The following DNAJC3 variants were observed in gnomAD, a reference collection of about 807,000 sequenced individuals.
DNAJC3 encodes the protein dnaJ homolog subfamily C member 3.
A neutral mutation model predicts 68.6 loss-of-function variants in DNAJC3; 38 were observed. The observed-to-expected ratio is 0.55, with a 90% confidence interval of 0.43 to 0.73. The LOEUF is 0.73. Ranked by LOEUF, DNAJC3 falls within the 30% of genes least tolerant of loss-of-function variation. The pLI, the probability that DNAJC3 is intolerant of heterozygous loss-of-function variation, is 0.00. For missense variants in DNAJC3, 526 were observed against 591.9 expected, an observed-to-expected ratio of 0.89 and a Z score of 1.16; for synonymous variants, 203 against 204.0, an observed-to-expected ratio of 1.00 and a Z score of 0.04.
chr13:95,725,528 T>C (rs1384275085), intron 4 of DNAJC3, among the ~76,000 whole-genome samples: 1 of 152,216 alleles, frequency 6.6e-6, no homozygotes, highest in East Asian at 1.9e-4. Context: ...CTTGTTCTGC[T>C]TTGTCCACCA....
chr13:95,773,473 TA>T (rs1216426650), intron 9 of DNAJC3, among the ~76,000 whole-genome samples: 2 of 151,550 alleles, frequency 1.3e-5, no homozygotes, highest in African/African-American at 4.8e-5. Flanking sequence ...CACCTGGCCT[TA>T]TTTAGTTTTA....
intron 1 of DNAJC3, 132 bp downstream of exon 1, chr13:95,677,469 G>A: frequency 1.1e-6 from 1 of 920,728 alleles, no homozygotes; most frequent in Non-Finnish European, 1.5e-6. Flanking sequence ...CCCGCGGCCT[G>A]GCTTGGGCCT....
intron 2 of DNAJC3, among the ~76,000 whole-genome samples, chr13:95,716,998 T>C: frequency 6.6e-6 from 1 of 151,928 alleles, no homozygotes; most frequent in East Asian, 1.9e-4. Flanking sequence ...CCCTCCCATA[T>C]CAATAGGATT....
intron 1 of DNAJC3, among the ~76,000 whole-genome samples, chr13:95,691,387 C>G (rs928492091): frequency 1.3e-5 from 2 of 150,872 alleles, no homozygotes; most frequent in Admixed American, 1.3e-4. Context: ...ACGGGGCGGC[C>G]GGGCAGAGAC....
At chr13:95,773,560 C>G (rs1464324227) in intron 9 of DNAJC3, among the ~76,000 whole-genome samples, 1 of 151,890 alleles carries the variant, frequency 6.6e-6, no homozygotes, top group African/African-American at 2.4e-5. Context: ...AGGAATGTTT[C>G]TATTTCTTGA....
intron 4 of DNAJC3, among the ~76,000 whole-genome samples, chr13:95,732,655 T>G (rs1416231191): frequency 6.6e-6 from 1 of 152,134 alleles, no homozygotes; most frequent in Non-Finnish European, 1.5e-5. Flanking sequence ...TTGCATTGTT[T>G]TTTTAGTCTC....
In DNAJC3 at chr13:95,739,551, C is replaced by G. The variant is rs1191361521; in HGVS notation, c.393+14299C>G. Among the ~76,000 whole-genome samples, 7 of 151,926 alleles carry G rather than the reference C, an allele frequency of 4.6e-5. No individual in the cohort carries two copies. In the South Asian group the frequency reaches 1.0e-3, roughly 23 times the overall value. On this transcript the variant is annotated intron_variant, in intron 4 of 11. Coordinates refer to ENST00000602402, the MANE Select transcript of DNAJC3 (RefSeq NM_006260.5). ...TTTATTCTTTTTTCTCTAAACTTCC[C>G]TTCTCGCTTCATTTCATTCATTTCA...
chr13:95,741,593 G>C (rs1882146474), intron 4 of DNAJC3, among the ~76,000 whole-genome samples: 1 of 152,190 alleles, frequency 6.6e-6, no homozygotes, highest in African/African-American at 2.4e-5. Context: ...GATTGGACAG[G>C]TGGGTGGGTC....
At chr13:95,745,656 A>G (rs149073639) in intron 4 of DNAJC3, 66 of 152,360 alleles carry the variant, frequency 4.3e-4, no homozygotes, top group African/African-American at 1.5e-3. Context: ...TTTGCCTTTA[A>G]AAGCTTCTCC....
At chr13:95,741,128 T>A (rs964501133) in intron 4 of DNAJC3, among the ~76,000 whole-genome samples, 2 of 152,226 alleles carry the variant, frequency 1.3e-5, no homozygotes, top group Non-Finnish European at 2.9e-5. Context: ...TTTCATTGCT[T>A]TTTCATGTTT....
At chr13:95,761,430 A>T (rs1882816302) in intron 7 of DNAJC3, among the ~76,000 whole-genome samples, 1 of 152,214 alleles carries the variant, frequency 6.6e-6, no homozygotes, top group Non-Finnish European at 1.5e-5. Context: ...AAACTGCCTA[A>T]TAGAAAATAG....
rs1222820164 is a variant in DNAJC3 at position 95,793,454 on chromosome 13, C to T, written c.*2424C>T. Reference sequence around the variant, plus strand: ...TGTAAAACCATACTACTTTCATTTTCCCTTGGGGACTACAGGTGCCAGGTA... The same window carrying T: ...TGTAAAACCATACTACTTTCATTTTTCCTTGGGGACTACAGGTGCCAGGTA... On this transcript the variant is annotated 3_prime_UTR_variant, in exon 12 of 12. Transcript: ENST00000602402. 1.3e-5 allele frequency: 2 copies of T among 151,384 alleles called. No individual in the cohort carries two copies. Among genetic ancestry groups the T allele is most frequent in the Non-Finnish European group, 2.9e-5 (2 of 68,442 alleles). 9.4% of individuals were successfully genotyped at this position (151,384 alleles called of 1,614,324 possible).
At chr13:95,757,913 T>G (rs1268011490) in intron 5 of DNAJC3, 117 bp downstream of exon 5, 2 of 1,183,216 alleles carry the variant, frequency 1.7e-6, no homozygotes, top group Non-Finnish European at 2.3e-6. Flanking sequence ...GGTTGGTCCT[T>G]GGGCTTTTGC....
intron 9 of DNAJC3, among the ~76,000 whole-genome samples, chr13:95,782,426 T>C (rs1038477861): frequency 2.0e-5 from 3 of 152,212 alleles, no homozygotes; most frequent in African/African-American, 7.2e-5. Context: ...ACCAACAGTG[T>C]AAAAGCCTTC....
intron 1 of DNAJC3, among the ~76,000 whole-genome samples, chr13:95,700,401 G>C (rs1415787547): frequency 6.6e-6 from 1 of 152,108 alleles, no homozygotes; most frequent in African/African-American, 2.4e-5. Context: ...GCATATTCTG[G>C]TCTCCTGCAG....
chr13:95,701,471 G>C (rs576329441), intron 1 of DNAJC3, among the ~76,000 whole-genome samples: 9 of 151,706 alleles, frequency 5.9e-5, no homozygotes, highest in Admixed American at 3.3e-4. Flanking sequence ...TCTTACTCTT[G>C]TTTTCAGTTT....
At chr13:95,753,946 C>G (rs1882570236) in intron 4 of DNAJC3, among the ~76,000 whole-genome samples, 5 of 152,148 alleles carry the variant, frequency 3.3e-5, no homozygotes, top group Admixed American at 2.6e-4. Context: ...AAAGCAATAT[C>G]TGTTTGGAAA....
At chr13:95,742,538 G>C in intron 4 of DNAJC3, 1 of 428,566 alleles carries the variant, frequency 2.3e-6, no homozygotes, top group Non-Finnish European at 4.5e-6. Flanking sequence ...GACTGCTGGG[G>C]GTCACTTACT....
intron 10 of DNAJC3, 147 bp from the exon 11 acceptor site, chr13:95,786,860 C>T (rs1883616858): frequency 1.1e-6 from 1 of 876,804 alleles, no homozygotes; most frequent in Non-Finnish European, 1.7e-6. Flanking sequence ...ACTGTGTATG[C>T]AGATCTTTGG....
Sources: gnomAD v4.1 joint callset for allele counts (sites outside exome capture counted in the v4.1 genomes callset) on GRCh38, gnomAD v4.1.1 for gene constraint, MANE v1.5 for transcripts, NCBI Gene and HGNC (gene_info 2026-07-23, HGNC 2026-07-21) for gene names.